HTR2C: variants seen among roughly 807,000 people sequenced by gnomAD.
HTR2C encodes 5-hydroxytryptamine (serotonin) receptor 2C, G protein-coupled.
A neutral mutation model predicts 21.0 loss-of-function variants in HTR2C; 5 were observed. The observed-to-expected ratio is 0.24, with a 90% CI of 0.12 to 0.50. The LOEUF (loss-of-function observed/expected upper bound fraction) is 0.50. HTR2C is among the 20% of genes least tolerant of loss of function. HTR2C has a pLI of 0.98. For missense variants in HTR2C, 271 were observed against 371.2 expected, an observed-to-expected ratio of 0.73 and a Z score of 2.22; for synonymous variants, 150 against 145.3, an observed-to-expected ratio of 1.03 and a Z score of -0.23.
At chrX:114,780,340 A>G (rs781787555) in intron 4 of HTR2C, among the ~76,000 whole-genome samples, 1 of 111,594 alleles carries the variant, frequency 9.0e-6, no homozygotes, top group East Asian at 2.8e-4. Context: ...GGAATTAGAG[A>G]GTAAAATCTA....
intron 4 of HTR2C, among the ~76,000 whole-genome samples, chrX:114,804,859 T>G (rs1225607626): frequency 1.8e-5 from 2 of 111,951 alleles, no homozygotes; most frequent in Non-Finnish European, 3.8e-5. Context: ...TCATTTTTTA[T>G]GCTACCATTT....
chrX:114,735,408 G>C (rs1556424276), intron 4 of HTR2C, among the ~76,000 whole-genome samples: 2 of 111,421 alleles, frequency 1.8e-5, no homozygotes, highest in Non-Finnish European at 3.8e-5. Context: ...GACTGGGAAA[G>C]TTTCATCAAA....
intron 2 of HTR2C, among the ~76,000 whole-genome samples, chrX:114,659,878 A>G (rs1930922122): frequency 9.0e-6 from 1 of 111,394 alleles, no homozygotes; most frequent in Admixed American, 9.6e-5. Flanking sequence ...GAACTGAGTG[A>G]AGAGTGTACA....
At chrX:114,855,170 T>C (rs1293026788) in intron 5 of HTR2C, among the ~76,000 whole-genome samples, 1 of 111,554 alleles carries the variant, frequency 9.0e-6, no homozygotes, top group Non-Finnish European at 1.9e-5. Flanking sequence ...GTTTCTTAAG[T>C]TCTGTGGCAA....
chrX:114,759,276 T>G (rs1489300303), intron 4 of HTR2C, among the ~76,000 whole-genome samples: 2 of 111,240 alleles, frequency 1.8e-5, no homozygotes, highest in Admixed American at 9.7e-5. Context: ...ACCATCCTCC[T>G]TTTCAGCAGC....
intron 2 of HTR2C, among the ~76,000 whole-genome samples, chrX:114,699,973 G>A (rs1288792856): frequency 1.2e-5 from 1 of 85,970 alleles, no homozygotes; most frequent in Non-Finnish European, 2.4e-5. Context: ...ATAAATTTTT[G>A]GCAAGGATGG....
chrX:114,853,453 C>A (rs1556469903), intron 5 of HTR2C, among the ~76,000 whole-genome samples: 1 of 111,493 alleles, frequency 9.0e-6, no homozygotes, highest in East Asian at 2.8e-4. Flanking sequence ...TCAGGTTGGA[C>A]AATAAATCAC....
In HTR2C at chrX:114,907,275, G is replaced by A. The variant is rs2071382953; in HGVS notation, c.1237G>A (p.Val413Ile). Residue 413 changes from valine to isoleucine, a missense_variant, in exon 6 of 6, where the codon GTT becomes ATT. This residue lies in a region of HTR2C where 192 missense variants were observed against 247.2 expected (regional missense o/e 0.78). Coordinates refer to ENST00000276198, the MANE Select transcript of HTR2C (RefSeq NM_000868.4). The part of the protein sequence containing the change: ...ATALSGRELN[V>I]NIYRHTNEPV... ...TGCTTTGTCTGGGAGGGAGCTTAAT[G>A]TTAACATTTATCGGCATACCAATGA... The A allele has an allele frequency of 2.5e-6, 3 of 1,209,427 alleles. No homozygotes were observed. Among genetic ancestry groups the A allele is most frequent in the East Asian group, 3.0e-5 (1 of 33,720 alleles).
rs781973794 is a variant in HTR2C at position 114,718,955 on chromosome X, ATAT to A, written c.-79-7900_-79-7898del. Among the ~76,000 whole-genome samples the A allele has an allele frequency of 2.2e-3, 193 of 89,185 alleles. 2 individuals carry two copies. The highest frequency in any genetic ancestry group is 0.017 in the Admixed American group (118 of 7,001). The allele number at this position is 89,185 out of a possible 115,157, so 77.4% of individuals were successfully genotyped here. A position where few individuals can be genotyped will look rare whatever the true frequency, so the allele number is the denominator to read the frequency against. On this transcript the variant is annotated intron_variant, in intron 2 of 5. Transcript: ENST00000276198. Reference sequence around the variant, plus strand: ...ATATAATATAATATAAATTATATTAATATTAATATTAATATTTAATATATATAA... The same window carrying A: ...ATATAATATAATATAAATTATATTAATAATATTAATATTTAATATATATAA...
intron 3 of HTR2C, among the ~76,000 whole-genome samples, chrX:114,727,733 A>G (rs1053721608): frequency 9.8e-5 from 11 of 111,692 alleles, no homozygotes; most frequent in African/African-American, 3.6e-4. Flanking sequence ...CCCAGGAAAA[A>G]GTTTACAATG....
chrX:114,724,078 T>C (rs1251513247), intron 2 of HTR2C, among the ~76,000 whole-genome samples: 3 of 105,918 alleles, frequency 2.8e-5, no homozygotes, highest in African/African-American at 1.0e-4. Flanking sequence ...CCTTGTTGAC[T>C]TTCTGTCTCG....
At chrX:114,757,472 A>C (rs1556430568) in intron 4 of HTR2C, among the ~76,000 whole-genome samples, 1 of 111,731 alleles carries the variant, frequency 9.0e-6, no homozygotes, top group African/African-American at 3.2e-5. Context: ...AAACAGGAGA[A>C]CTCCAAAATG....
chrX:114,773,055 A>G lies in HTR2C; in HGVS notation c.349+41448A>G, dbSNP rs2070021853. ...TGTCTCTAAACTTGATTTTGTCTCC[A>G]AAGTATGATTTTTCTAAGACCTTTC... On this transcript the variant is annotated intron_variant, in intron 4 of 5. Transcript: ENST00000276198. 2.7e-5 allele frequency among the ~76,000 whole-genome samples: 3 copies of G among 111,738 alleles called. No individual in the cohort carries two copies. In the Admixed American group the frequency reaches 2.9e-4, roughly 11 times the overall value.
chrX:114,710,904 A>G (rs184637392), intron 2 of HTR2C, among the ~76,000 whole-genome samples: 18 of 111,611 alleles, frequency 1.6e-4, no homozygotes, highest in African/African-American at 5.8e-4. Context: ...ACGTTTCCAC[A>G]AATATTGGCA....
intron 4 of HTR2C, among the ~76,000 whole-genome samples, chrX:114,809,218 T>A (rs782590674): frequency 1.6e-4 from 18 of 109,706 alleles, no homozygotes; most frequent in African/African-American, 5.6e-4. Flanking sequence ...CGGGACAAAG[T>A]TCTTCCCATT....
At chrX:114,839,238 G>T (rs1357524557) in intron 4 of HTR2C, among the ~76,000 whole-genome samples, 2 of 112,011 alleles carry the variant, frequency 1.8e-5, no homozygotes, top group African/African-American at 6.5e-5. Flanking sequence ...CTACCTTAAG[G>T]TATTGGACAG....
intron 2 of HTR2C, among the ~76,000 whole-genome samples, chrX:114,688,379 C>G (rs916636558): frequency 1.7e-4 from 19 of 109,745 alleles, no homozygotes; most frequent in African/African-American, 6.3e-4. Flanking sequence ...GGAACAAGTG[C>G]TACTCCAATG....
chrX:114,644,360 TAA>T (rs1291439372), intron 2 of HTR2C, among the ~76,000 whole-genome samples: 147 of 20,592 alleles, frequency 7.1e-3, no homozygotes, highest in African/African-American at 0.017. Flanking sequence ...AATAAATAAA[TAA>T]ATATATATAT....
At chrX:114,728,441 T>C (rs2069504083) in intron 3 of HTR2C, among the ~76,000 whole-genome samples, 1 of 111,049 alleles carries the variant, frequency 9.0e-6, no homozygotes, top group Non-Finnish European at 1.9e-5. Context: ...TACAGACAAT[T>C]CTTCATTACA....
Sources: gnomAD v4.1 joint callset for allele counts (sites outside exome capture counted in the v4.1 genomes callset) on GRCh38, gnomAD v4.1.1 for gene constraint, gnomAD v4.1.1 regional missense constraint, MANE v1.5 for transcripts, NCBI Gene and HGNC (gene_info 2026-07-23, HGNC 2026-07-21) for gene names.